Variants in PHACTR4 observed in about 807,000 individuals in gnomAD.
PHACTR4 encodes the protein phosphatase and actin regulator 4, also known as protein phosphatase 1, regulatory subunit 124.
Under a neutral mutation model 72.7 loss-of-function variants are expected in PHACTR4, and 51 were observed. The observed-to-expected ratio is 0.70, with a 90% CI of 0.56 to 0.89. The LOEUF (loss-of-function observed/expected upper bound fraction) is 0.89. Among genes scored for constraint, PHACTR4 ranks in the 40% least tolerant of loss-of-function variants. The pLI, the probability that PHACTR4 is intolerant of heterozygous loss-of-function variation, is 0.00. For missense variants in PHACTR4, 731 were observed against 861.8 expected, an observed-to-expected ratio of 0.85 and a Z score of 1.90; for synonymous variants, 255 against 302.5, an observed-to-expected ratio of 0.84 and a Z score of 1.63.
intron 1 of PHACTR4, among the ~76,000 whole-genome samples, chr1:28,388,920 G>T (rs1281305199): frequency 6.6e-6 from 1 of 152,054 alleles, no homozygotes; most frequent in African/African-American, 2.4e-5. Context: ...ACTACTAGAA[G>T]CAAACACAAG....
At chr1:28,380,050 A>ATTTTTTT (rs1405487346) in intron 1 of PHACTR4, among the ~76,000 whole-genome samples, 34 of 128,110 alleles carry the variant, frequency 2.7e-4, no homozygotes, top group Non-Finnish European at 2.6e-4. Flanking sequence ...TTTAAATGTA[A>ATTTTTTT]CTTTTTTTTT....
intron 13 of PHACTR4, among the ~76,000 whole-genome samples, chr1:28,495,401 C>T (rs1189586004): frequency 6.6e-6 from 1 of 151,890 alleles, no homozygotes; most frequent in African/African-American, 2.4e-5. Flanking sequence ...AGCCACTATG[C>T]CTGGCCAAGC....
At chr1:28,397,368 TTGTA>T (rs1166131975) in intron 1 of PHACTR4, among the ~76,000 whole-genome samples, 1 of 152,194 alleles carries the variant, frequency 6.6e-6, no homozygotes, top group Non-Finnish European at 1.5e-5. Context: ...ATTAACCAGT[TTGTA>T]TATGATTGAT....
rs994088530 is a variant in PHACTR4, at chr1:28,449,828, G to A, written c.17-9257G>A. Among the ~76,000 whole-genome samples the A allele has an allele frequency of 4.0e-5, 6 of 151,394 alleles. No individual in the cohort carries two copies. The East Asian group carries it at 9.7e-4, about 24-fold the overall frequency. ...GATCGTGCCATTGCCCTCCAGCCAGGGTGACAGAGTGACACTCTGTATAAA... is the reference window on the plus strand; with the variant it reads ...GATCGTGCCATTGCCCTCCAGCCAGAGTGACAGAGTGACACTCTGTATAAA... On this transcript the variant is annotated intron_variant, in intron 2 of 13. Transcript: ENST00000373839.
intron 2 of PHACTR4, chr1:28,453,961 A>T: frequency 1.7e-6 from 1 of 574,414 alleles, no homozygotes; most frequent in Non-Finnish European, 3.2e-6. Context: ...CACGCCCGTA[A>T]TCTTAGCACT....
At chr1:28,415,274 AGAG>A (rs1426549344) in intron 2 of PHACTR4, among the ~76,000 whole-genome samples, 71 of 77,398 alleles carry the variant, frequency 9.2e-4, no homozygotes, top group African/African-American at 3.7e-3. Flanking sequence ...AAAAAAAAAA[AGAG>A]AGAGAAAAGA....
intron 2 of PHACTR4, among the ~76,000 whole-genome samples, chr1:28,455,172 A>ATTTTTCTTTTTC (rs533109904): frequency 9.1e-6 from 1 of 110,254 alleles, no homozygotes; most frequent in Non-Finnish European, 1.8e-5. Context: ...ATCTGGCCTC[A>ATTTTTCTTTTTC]TTTTTCTTTT....
At chr1:28,378,571 C>G (rs887593170) in intron 1 of PHACTR4, among the ~76,000 whole-genome samples, 3 of 81,348 alleles carry the variant, frequency 3.7e-5, no homozygotes, top group East Asian at 7.1e-4. Flanking sequence ...TCCCCCCAGC[C>G]CCCCCCCCCT....
intron 2 of PHACTR4, among the ~76,000 whole-genome samples, chr1:28,440,704 C>T (rs1430056434): frequency 6.6e-6 from 1 of 152,020 alleles, no homozygotes; most frequent in South Asian, 2.1e-4. Flanking sequence ...TGGACTGACT[C>T]CATTATTATG....
intron 2 of PHACTR4, among the ~76,000 whole-genome samples, chr1:28,424,585 T>C (rs1655714328): frequency 6.6e-6 from 1 of 151,986 alleles, no homozygotes; most frequent in South Asian, 2.1e-4. Flanking sequence ...GCCTCCTGGG[T>C]TCAAGCGATT....
chr1:28,467,913 G>A lies in PHACTR4; in HGVS notation c.823+1145G>A, dbSNP rs77515705. ...AAGAAAGGGAGAGGAAAGCTAATGA[G>A]TGCTTCAAAGCTAATAAAAATATAG... On this transcript the variant is annotated intron_variant, in intron 6 of 13. Transcript: ENST00000373839. Among the ~76,000 whole-genome samples the A allele has an allele frequency of 3.8e-3, 577 of 152,240 alleles. 5 individuals are homozygous for A. The highest frequency in any genetic ancestry group is 0.013 in the African/African-American group (549 of 41,536).
intron 1 of PHACTR4, among the ~76,000 whole-genome samples, chr1:28,382,428 C>G (rs866283509): frequency 4.1e-4 from 63 of 151,946 alleles, no homozygotes; most frequent in Middle Eastern, 3.4e-3. Context: ...CTCAGCCTCC[C>G]GAGTAGCTGG....
intron 6 of PHACTR4, among the ~76,000 whole-genome samples, chr1:28,471,125 A>T (rs1055832429): frequency 2.0e-5 from 3 of 152,150 alleles, no homozygotes; most frequent in African/African-American, 7.2e-5. Flanking sequence ...AGGCGGGTGG[A>T]TCACCTGAGG....
intron 7 of PHACTR4, among the ~76,000 whole-genome samples, chr1:28,475,396 G>T (rs1659857114): frequency 6.6e-6 from 1 of 151,972 alleles, no homozygotes; most frequent in South Asian, 2.1e-4. Flanking sequence ...TTGTGCTTAA[G>T]AGCATTCACC....
At chr1:28,373,940 T>C (rs761155879) in intron 1 of PHACTR4, among the ~76,000 whole-genome samples, 1 of 152,222 alleles carries the variant, frequency 6.6e-6, no homozygotes, top group Non-Finnish European at 1.5e-5. Context: ...CTCACACTTA[T>C]TACAGCTACT....
At chr1:28,427,070 AGT>A (rs1655916714) in intron 2 of PHACTR4, among the ~76,000 whole-genome samples, 1 of 152,206 alleles carries the variant, frequency 6.6e-6, no homozygotes, top group Non-Finnish European at 1.5e-5. Context: ...ATGTGTGGCT[AGT>A]GGCCACAGTA....
chr1:28,392,044 G>T (rs1569797902), intron 1 of PHACTR4, among the ~76,000 whole-genome samples: 1 of 152,112 alleles, frequency 6.6e-6, no homozygotes, highest in South Asian at 2.1e-4. Flanking sequence ...ACATACAGTA[G>T]CGCTCCCCCT....
intron 1 of PHACTR4, among the ~76,000 whole-genome samples, chr1:28,400,527 C>G (rs925178130): frequency 6.6e-6 from 1 of 152,014 alleles, no homozygotes; most frequent in African/African-American, 2.4e-5. Context: ...ATGCTAGGAG[C>G]TGGGGAATGG....
chr1:28,475,976 C>A (rs1659891768), intron 7 of PHACTR4, 131 bp from the exon 8 acceptor site: 1 of 780,176 alleles, frequency 1.3e-6, no homozygotes, highest in Non-Finnish European at 1.9e-6. Context: ...AATTTGCCCA[C>A]CTCCATCTCC....
Sources: gnomAD v4.1 joint callset for allele counts (sites outside exome capture counted in the v4.1 genomes callset) on GRCh38, gnomAD v4.1.1 for gene constraint, MANE v1.5 for transcripts, NCBI Gene and HGNC (gene_info 2026-07-23, HGNC 2026-07-21) for gene names.